The following TIAM2 variants were observed in gnomAD, a reference collection of about 807,000 sequenced individuals.
The protein encoded by TIAM2 is rho guanine nucleotide exchange factor TIAM2.
In TIAM2, 80 loss-of-function variants were observed where a neutral mutation model predicts 152.9. That is an observed-to-expected ratio of 0.52 (90% CI 0.44 to 0.63). The LOEUF is 0.63. Ranked by LOEUF, TIAM2 falls within the 30% of genes least tolerant of loss-of-function variation. The pLI is 0.00. For synonymous variants in TIAM2, 804 were observed against 838.0 expected (o/e 0.96, Z 0.70); for missense variants, 1,965 against 2,120.1 (o/e 0.93, Z 1.44).
chr6:155,045,840 C>T (rs368376542), intron 1 of TIAM2, among the ~76,000 whole-genome samples: 1,702 of 60,604 alleles, frequency 0.028, 36 homozygotes, highest in East Asian at 0.11. Flanking sequence ...ATAGTGCCCT[C>T]TTTTTTTTTT....
intron 1 of TIAM2, among the ~76,000 whole-genome samples, chr6:155,083,366 A>T (rs191396983): frequency 0.01 from 1,574 of 150,034 alleles, 28 homozygotes; most frequent in African/African-American, 0.036. Flanking sequence ...AAAAAAAAAA[A>T]AAGAGAGAGA....
At chr6:155,147,692 C>T (rs1779848258) in intron 6 of TIAM2, among the ~76,000 whole-genome samples, 1 of 152,170 alleles carries the variant, frequency 6.6e-6, no homozygotes, top group Admixed American at 6.5e-5. Flanking sequence ...ACCATATTGG[C>T]CAGGCTGGTC....
At chr6:155,093,336 C>A (rs909318328) in intron 2 of TIAM2, among the ~76,000 whole-genome samples, 1 of 152,118 alleles carries the variant, frequency 6.6e-6, no homozygotes, top group African/African-American at 2.4e-5. Context: ...TTCTCCAGAC[C>A]GTAGATGGAA....
At chr6:155,169,105 C>T (rs2115109484) in intron 9 of TIAM2, among the ~76,000 whole-genome samples, 1 of 152,216 alleles carries the variant, frequency 6.6e-6, no homozygotes, top group East Asian at 1.9e-4. Context: ...ATGCCATTCT[C>T]CTGCCTCAGC....
In TIAM2 at chr6:155,168,834, C is replaced by T. The variant is rs763470448; in HGVS notation, c.2361+3425C>T. ...CCATTTCATTAGTCTTTTTCCTCCC[C>T]CATCTGTCAGATATTTGATTCAAGT... On this transcript the variant is annotated intron_variant, in intron 9 of 26. Transcript: ENST00000682666. 10 of 1,533,230 alleles carry T rather than the reference C, an allele frequency of 6.5e-6. No homozygotes were observed. In the South Asian group the frequency reaches 9.6e-5, roughly 15 times the overall value. 95.0% of individuals were successfully genotyped at this position (1,533,230 alleles called of 1,614,324 possible).
intron 2 of TIAM2, chr6:155,122,111 A>G (rs1329134624): frequency 6.6e-6 from 1 of 152,418 alleles, no homozygotes; most frequent in Non-Finnish European, 1.5e-5. Context: ...TTTCCTCCTG[A>G]AAGCTGTTTT....
At chr6:155,236,942 A>G (rs985534981) in intron 15 of TIAM2, among the ~76,000 whole-genome samples, 7 of 152,234 alleles carry the variant, frequency 4.6e-5, no homozygotes, top group African/African-American at 1.7e-4. Flanking sequence ...CCCAAATCTC[A>G]TATCTTCACA....
rs1000005586 is a variant in TIAM2, at chr6:155,169,002, GT to G, written c.2361+3598del. 3.1e-6 allele frequency: 4 copies of G among 1,309,054 alleles called. No homozygotes were observed. The African/African-American group carries it at 4.5e-5, about 15-fold the overall frequency. The allele number at this position is 1,309,054 out of a possible 1,614,324, so 81.1% of individuals were successfully genotyped here. ...TTTCTGTTTTTTTTTGTTTGTTTTT[GT>G]TTTTGTTTTTGAGACGGAGTCTGGC... On this transcript the variant is annotated intron_variant, in intron 9 of 26. Coordinates refer to ENST00000682666, the MANE Select transcript of TIAM2 (RefSeq NM_012454.4).
At chr6:155,246,337 GAAGAA>G (rs748498751) in intron 19 of TIAM2, among the ~76,000 whole-genome samples, 4 of 152,098 alleles carry the variant, frequency 2.6e-5, no homozygotes, top group Admixed American at 6.6e-5. Flanking sequence ...TGATATCCCA[GAAGAA>G]AAGCCCCACA....
rs1222950125 is a variant in TIAM2, at chr6:155,214,575, A to G, written c.3168+3268A>G. 6.6e-6 allele frequency among the ~76,000 whole-genome samples: 1 copy of G among 152,142 alleles called. No individual in the cohort carries two copies. The highest frequency in any genetic ancestry group is 1.5e-5 in the Non-Finnish European group (1 of 68,030). ...CCTCCTCATTCCTCATGCAAAGCAA[A>G]TGCTCAGCTGCCTTCGCTGGCCTGG... On this transcript the variant is annotated intron_variant, in intron 15 of 26. Transcript: ENST00000682666. This position sits in a 1 kb window ranked among gnomAD's most constrained non-coding sequence, Gnocchi z 5.4.
At chr6:155,089,619 G>T (rs1778254325) in intron 1 of TIAM2, among the ~76,000 whole-genome samples, 1 of 152,136 alleles carries the variant, frequency 6.6e-6, no homozygotes, top group African/African-American at 2.4e-5. Context: ...TGATCCCTCT[G>T]CCTGGGGGAT....
chr6:155,033,170 C>G (rs1245120366), intron 1 of TIAM2, among the ~76,000 whole-genome samples: 2 of 152,176 alleles, frequency 1.3e-5, no homozygotes, highest in Non-Finnish European at 2.9e-5. Context: ...CATATGTATT[C>G]ACTGCAGCCA....
At chr6:155,250,890 T>G (rs756054423) in intron 21 of TIAM2, 23 bp from the exon 22 acceptor site, 33 of 1,608,122 alleles carry the variant, frequency 2.1e-5, no homozygotes, top group Non-Finnish European at 2.8e-5. Flanking sequence ...GTATCTTCCT[T>G]ACCTCCTGTT....
chr6:155,113,292 T>C (rs574919389), intron 2 of TIAM2, among the ~76,000 whole-genome samples: 25 of 152,272 alleles, frequency 1.6e-4, no homozygotes, highest in African/African-American at 5.1e-4. Flanking sequence ...CTTGCAAGTC[T>C]CTGCTGAAGT....
intron 1 of TIAM2, among the ~76,000 whole-genome samples, chr6:155,054,449 G>A (rs1234583151): frequency 6.6e-6 from 1 of 152,182 alleles, no homozygotes; most frequent in Non-Finnish European, 1.5e-5. Flanking sequence ...GAAATTAGGT[G>A]AGGGGGAAGA....
intron 26 of TIAM2, 82 bp downstream of exon 26, chr6:155,254,655 G>A: frequency 6.6e-7 from 1 of 1,525,184 alleles, no homozygotes; most frequent in Non-Finnish European, 8.9e-7. Context: ...TAACATAGCT[G>A]TGACTTTTCA....
intron 10 of TIAM2, 41 bp from the exon 11 acceptor site, chr6:155,178,994 TAGAA>T: frequency 5.6e-6 from 8 of 1,438,450 alleles, no homozygotes; most frequent in Non-Finnish European, 7.8e-6. Flanking sequence ...ATGATGGATT[TAGAA>T]AGAGCATTTA....
intron 14 of TIAM2, among the ~76,000 whole-genome samples, chr6:155,196,622 A>G (rs968157742): frequency 1.3e-5 from 2 of 152,224 alleles, no homozygotes; most frequent in East Asian, 1.9e-4. Flanking sequence ...AATTAGCAAC[A>G]TAAAGAGAAA....
chr6:155,137,072 C>T (rs1003625173), intron 4 of TIAM2, 105 bp from the exon 5 acceptor site: 12 of 1,207,776 alleles, frequency 9.9e-6, no homozygotes, highest in South Asian at 1.6e-5. Context: ...TCTTGCTTTG[C>T]ATTACATTAT....
Sources: allele counts gnomAD v4.1 joint callset (sites outside exome capture counted in the v4.1 genomes callset), GRCh38; gene constraint gnomAD v4.1.1; non-coding constraint Gnocchi (gnomAD v3.1); transcripts MANE v1.5; gene names NCBI Gene and HGNC (gene_info 2026-07-23, HGNC 2026-07-21).